Variants in MAEA observed in about 807,000 individuals in gnomAD.
The protein encoded by MAEA is E3 ubiquitin-protein transferase MAEA.
A neutral mutation model predicts 46.2 loss-of-function variants in MAEA; 22 were observed. The observed-to-expected ratio is 0.48, with a 90% CI of 0.34 to 0.68. MAEA has a LOEUF of 0.68. Among genes scored for constraint, MAEA ranks in the 30% least tolerant of loss-of-function variants. The pLI, the probability that MAEA is intolerant of heterozygous loss-of-function variation, is 0.01. For missense variants in MAEA, 393 were observed against 558.1 expected (o/e 0.70, Z 2.98); for synonymous variants, 246 against 222.6 (o/e 1.11, Z -0.94).
Position 1,311,545 on chromosome 4 carries a change from C to G in MAEA, c.70-434C>G, listed in dbSNP as rs1366838588. On this transcript the variant is annotated intron_variant, in intron 1 of 8. Coordinates refer to ENST00000303400, the MANE Select transcript of MAEA (RefSeq NM_001017405.3). The surrounding 1 kb of genome is among the most constrained non-coding windows in gnomAD (Gnocchi z 4.4). Reference sequence around the variant, plus strand: ...CCCAGCCCGTGTGGAGCCCACGCCCCATGCACCCTTGTCCCTGCCCGGCCT... The same window carrying G: ...CCCAGCCCGTGTGGAGCCCACGCCCGATGCACCCTTGTCCCTGCCCGGCCT... 2.0e-5 allele frequency among the ~76,000 whole-genome samples: 3 copies of G among 152,186 alleles called. No homozygotes were observed. Among genetic ancestry groups the G allele is most frequent in the African/African-American group, 7.2e-5 (3 of 41,442 alleles).
In MAEA at chr4:1,311,739, G is replaced by C. The variant is rs141885354; in HGVS notation, c.70-240G>C. ...TTGGGATTATTTTGTCAACATACAC[G>C]TACAATGTTTTTGGCAAAAATTGGG... On this transcript the variant is annotated intron_variant, in intron 1 of 8. Coordinates refer to ENST00000303400, the MANE Select transcript of MAEA (RefSeq NM_001017405.3). This position sits in a 1 kb window ranked among gnomAD's most constrained non-coding sequence, Gnocchi z 4.4. Among the ~76,000 whole-genome samples, 1 of 152,184 alleles carries C rather than the reference G, an allele frequency of 6.6e-6. No individual in the cohort carries two copies. Among genetic ancestry groups the C allele is most frequent in the Non-Finnish European group, 1.5e-5 (1 of 68,020 alleles).
chr4:1,317,008 GGC>G (rs1737306121), intron 3 of MAEA, among the ~76,000 whole-genome samples: 1 of 59,034 alleles, frequency 1.7e-5, no homozygotes, highest in African/African-American at 8.5e-5. Context: ...GGCCCACCCC[GGC>G]CCCCACACTC....
chr4:1,294,939 C>G (rs1467565272), intron 1 of MAEA, among the ~76,000 whole-genome samples: 1 of 152,046 alleles, frequency 6.6e-6, no homozygotes, highest in East Asian at 1.9e-4. Flanking sequence ...CTGGCCGGCT[C>G]TCACCCCAGT....
At chr4:1,309,853 A>G in intron 1 of MAEA, 1 of 1,310,428 alleles carries the variant, frequency 7.6e-7, no homozygotes, top group Non-Finnish European at 9.8e-7. Flanking sequence ...CCTGTGCCTG[A>G]GCAGCGTCAG....
chr4:1,322,945 T>TG (rs1560368815), intron 4 of MAEA, among the ~76,000 whole-genome samples: 2 of 70,828 alleles, frequency 2.8e-5, no homozygotes, highest in East Asian at 1.1e-3. Flanking sequence ...AATACCCACT[T>TG]TTTTTTTTTT....
At chr4:1,303,716 T>C (rs1329494247) in intron 1 of MAEA, among the ~76,000 whole-genome samples, 1 of 152,114 alleles carries the variant, frequency 6.6e-6, no homozygotes, top group Non-Finnish European at 1.5e-5. Flanking sequence ...TTGTACAACC[T>C]TGTGCTTATT....
rs1396482646 is a variant in MAEA at position 1,309,708 on chromosome 4, C to T, written c.70-2271C>T. 6.6e-6 allele frequency: 10 copies of T among 1,525,488 alleles called. No homozygotes were observed. In the South Asian group the frequency reaches 8.4e-5, roughly 13 times the overall value. The allele number at this position is 1,525,488 out of a possible 1,614,324, so 94.5% of individuals were successfully genotyped here. The stretch of plus-strand genomic sequence containing the variant: ...TCTTCCAGTTGTGAAGACACCGTGG[C>T]CCCGGTGAGCCCCTCCCCGGCCTCC... On this transcript the variant is annotated intron_variant, in intron 1 of 8. Transcript: ENST00000303400.
intron 5 of MAEA, chr4:1,329,740 G>T (rs533817418): frequency 4.2e-4 from 413 of 985,754 alleles, no homozygotes; most frequent in Middle Eastern, 1.0e-3. Context: ...TTTGTGGGGT[G>T]AGGGAGTGCG....
Position 1,338,222 on chromosome 4 carries a change from T to C in MAEA, c.900-200T>C, listed in dbSNP as rs1314542038. Reference sequence around the variant, plus strand: ...GCCGGGGTGAGAAGGCGCAGGCTTCTTGTCTCCACCGAGGCCTCAGTGGGG... The same window carrying C: ...GCCGGGGTGAGAAGGCGCAGGCTTCCTGTCTCCACCGAGGCCTCAGTGGGG... On this transcript the variant is annotated intron_variant, in intron 7 of 8. Transcript: ENST00000303400. The C allele has an allele frequency of 9.5e-6, 5 of 527,640 alleles. No homozygotes were observed. The South Asian group carries it at 1.4e-4, about 15-fold the overall frequency. 32.7% of individuals were successfully genotyped at this position (527,640 alleles called of 1,614,324 possible). A position where few individuals can be genotyped will look rare whatever the true frequency, so the allele number is the denominator to read the frequency against.
intron 4 of MAEA, among the ~76,000 whole-genome samples, chr4:1,322,773 A>G (rs1388994613): frequency 1.3e-5 from 2 of 152,030 alleles, no homozygotes; most frequent in Admixed American, 6.5e-5. Context: ...GTGCACACAG[A>G]GTGTTGGGGC....
intron 5 of MAEA, chr4:1,330,325 T>TCTCTCTCTCTCTC (rs55818312): frequency 2.9e-4 from 48 of 163,234 alleles, no homozygotes; most frequent in South Asian, 6.0e-4. Context: ...TCTCTCTCTC[T>TCTCTCTCTCTCTC]TTCCGTGTGT....
chr4:1,327,511 A>G (rs1738999501), intron 4 of MAEA, 116 bp from the exon 5 acceptor site: 1 of 769,432 alleles, frequency 1.3e-6, no homozygotes, highest in Non-Finnish European at 2.3e-6. Flanking sequence ...TGCCTGTGAG[A>G]GAGGGGTTCA....
rs1279238164 is a variant in MAEA at position 1,289,893 on chromosome 4, T to C, written c.-21T>C. 3 of 1,587,164 alleles carry C rather than the reference T, an allele frequency of 1.9e-6. No homozygotes were observed. In the East Asian group the frequency reaches 7.0e-5, roughly 37 times the overall value. ...GCGCGCTCGCGCGTCCCCCGCCCGC[T>C]AATGTTTTGGCCGCTTCAAGATGGC... On this transcript the variant is annotated 5_prime_UTR_variant, in exon 1 of 9. Coordinates refer to ENST00000303400, the MANE Select transcript of MAEA (RefSeq NM_001017405.3).
chr4:1,336,130 G>A (rs2109015462), intron 6 of MAEA, among the ~76,000 whole-genome samples: 1 of 152,358 alleles, frequency 6.6e-6, no homozygotes, highest in South Asian at 2.1e-4. Flanking sequence ...TCATCCCGCA[G>A]CATGTTGAAA....
intron 7 of MAEA, 159 bp from the exon 8 acceptor site, chr4:1,338,263 G>A (rs1713060875): frequency 5.2e-6 from 3 of 580,586 alleles, no homozygotes; most frequent in Non-Finnish European, 9.1e-6. Flanking sequence ...TAGCTGTCGA[G>A]TGCAGCACTT....
Position 1,339,198 on chromosome 4 carries a change from G to A in MAEA, c.*29G>A. 5 of 1,582,142 alleles carry A rather than the reference G, an allele frequency of 3.2e-6. No individual in the cohort carries two copies. Among genetic ancestry groups the A allele is most frequent in the Non-Finnish European group, 4.3e-6 (5 of 1,151,180 alleles). ...CCACGTCGTGAAGCGCACGCCTCGGGGACGGGCTGCAGTGGGCGGGGAGGC... is the reference window on the plus strand; with the variant it reads ...CCACGTCGTGAAGCGCACGCCTCGGAGACGGGCTGCAGTGGGCGGGGAGGC... On this transcript the variant is annotated 3_prime_UTR_variant, in exon 9 of 9. Coordinates refer to ENST00000303400, the MANE Select transcript of MAEA (RefSeq NM_001017405.3).
intron 3 of MAEA, among the ~76,000 whole-genome samples, chr4:1,316,659 A>G (rs931893742): frequency 2.0e-5 from 3 of 151,678 alleles, no homozygotes; most frequent in Admixed American, 6.5e-5. Context: ...CTCTCTTTCC[A>G]CGGCTTAAAT....
chr4:1,322,739 A>T (rs1235784919), intron 4 of MAEA, among the ~76,000 whole-genome samples: 1 of 152,022 alleles, frequency 6.6e-6, no homozygotes, highest in Non-Finnish European at 1.5e-5. Flanking sequence ...GCTCAGAAGG[A>T]GTGGGTTACA....
chr4:1,329,120 C>A (rs10029534), intron 5 of MAEA: 124,426 of 985,512 alleles, frequency 0.13, 8,383 homozygotes, highest in African/African-American at 0.22. Context: ...GAAAACAAAA[C>A]GTGTCCATCC....
Sources: allele counts gnomAD v4.1 joint callset (sites outside exome capture counted in the v4.1 genomes callset), GRCh38; gene constraint gnomAD v4.1.1; non-coding constraint Gnocchi (gnomAD v3.1); transcripts MANE v1.5; gene names NCBI Gene and HGNC (gene_info 2026-07-23, HGNC 2026-07-21).